Variants in DPP6 observed in about 807,000 individuals in gnomAD.
DPP6 encodes the protein dipeptidyl peptidase like 6.
A neutral mutation model predicts 122.6 loss-of-function variants in DPP6; 69 were observed. The ratio of observed to expected loss-of-function variants is 0.56; its 90% CI spans 0.46 to 0.69. The LOEUF (loss-of-function observed/expected upper bound fraction) is 0.69. Among genes scored for constraint, DPP6 ranks in the 30% least tolerant of loss-of-function variants. The pLI, the probability that DPP6 is intolerant of heterozygous loss-of-function variation, is 0.00. For missense variants in DPP6, 928 were observed against 1,116.9 expected, an observed-to-expected ratio of 0.83 and a Z score of 2.41; for synonymous variants, 418 against 433.1, an observed-to-expected ratio of 0.97 and a Z score of 0.43.
intron 1 of DPP6, among the ~76,000 whole-genome samples, chr7:153,968,082 T>TG (rs1795847459): frequency 6.7e-6 from 1 of 150,096 alleles, no homozygotes. Flanking sequence ...TACCCAGTAG[T>TG]GGGATTGCTG....
Position 154,403,308 on chromosome 7 carries a change from A to G in DPP6, c.244-42906A>G, listed in dbSNP as rs1220161658. ...CTGTGTGATAGAGTGCGGGGGAATC[A>G]GGACACCGCCCACCGCTGTCCAAAT... On this transcript the variant is annotated intron_variant, in intron 1 of 25. Coordinates refer to ENST00000377770, the MANE Select transcript of DPP6 (RefSeq NM_130797.4). This position sits in a 1 kb window ranked among gnomAD's most constrained non-coding sequence, Gnocchi z 4.1. Among the ~76,000 whole-genome samples, 8 of 152,156 alleles carry G rather than the reference A, an allele frequency of 5.3e-5. No individual in the cohort carries two copies. The highest frequency in any genetic ancestry group is 5.2e-4 in the Admixed American group (8 of 15,268).
In DPP6 at chr7:154,052,996, G is replaced by A; in HGVS notation, c.176G>A (p.Gly59Asp). 1 of 1,058,364 alleles carries A rather than the reference G, an allele frequency of 9.4e-7. No individual in the cohort carries two copies. Among genetic ancestry groups the A allele is most frequent in the Non-Finnish European group, 1.1e-6 (1 of 878,028 alleles). 65.6% of individuals were successfully genotyped at this position (1,058,364 alleles called of 1,614,324 possible). ...GCGGCGCCCCGGGAGCGCGGCGGCGGCGGCGGCGGCGCGGGTGGCCGGCCC... is the reference window on the plus strand; with the variant it reads ...GCGGCGCCCCGGGAGCGCGGCGGCGACGGCGGCGGCGCGGGTGGCCGGCCC... ...QAAAPRERGG[G>D]GGGAGGRPRF... is the part of the protein sequence containing the mutation. Residue 59 changes from glycine (G) to aspartate (D), a missense_variant, in exon 1 of 26, where the codon GGC (glycine) becomes GAC (aspartate). Gly to Asp is a moderately conservative substitution (Grantham distance 94, BLOSUM62 -1). Coordinates refer to ENST00000377770, the MANE Select transcript of DPP6 (RefSeq NM_130797.4). The surrounding 1 kb of genome is among the most constrained non-coding windows in gnomAD (Gnocchi z 4.8).
intron 6 of DPP6, among the ~76,000 whole-genome samples, chr7:154,659,964 G>C (rs538657592): frequency 4.6e-5 from 7 of 152,318 alleles, no homozygotes; most frequent in African/African-American, 1.7e-4. Flanking sequence ...AAAATAAGAC[G>C]CAGAGAGTTG....
intron 1 of DPP6, among the ~76,000 whole-genome samples, chr7:154,175,496 C>T (rs906282048): frequency 2.6e-5 from 4 of 152,056 alleles, no homozygotes; most frequent in African/African-American, 9.7e-5. Context: ...GGAAGAAGTG[C>T]AGCACTGCTG....
chr7:154,602,198 T>A (rs1415119906), intron 5 of DPP6, among the ~76,000 whole-genome samples: 1 of 120,712 alleles, frequency 8.3e-6, no homozygotes, highest in East Asian at 3.6e-4. Flanking sequence ...GTTATCACAG[T>A]TTATCTTTGA....
At chr7:154,022,938 GA>G (rs1798774388) in intron 1 of DPP6, among the ~76,000 whole-genome samples, 1 of 152,162 alleles carries the variant, frequency 6.6e-6, no homozygotes. Flanking sequence ...TTTGACAGCT[GA>G]CTCTTTCTTA....
At chr7:154,180,439 A>G (rs943805185) in intron 1 of DPP6, among the ~76,000 whole-genome samples, 4 of 146,056 alleles carry the variant, frequency 2.7e-5, no homozygotes, top group Admixed American at 1.4e-4. Context: ...TAATATATAT[A>G]CACATTTATA....
At chr7:154,759,604 G>A (rs967042399) in intron 8 of DPP6, among the ~76,000 whole-genome samples, 3 of 152,306 alleles carry the variant, frequency 2.0e-5, no homozygotes, top group Non-Finnish European at 2.9e-5. Context: ...TCCAGGGGAG[G>A]CCCAAGATGG....
At chr7:154,225,747 C>T (rs568004235) in intron 1 of DPP6, among the ~76,000 whole-genome samples, 1 of 152,124 alleles carries the variant, frequency 6.6e-6, no homozygotes, top group Admixed American at 6.5e-5. Context: ...ACTAACTTTT[C>T]TAAAGTTACT....
chr7:154,147,676 G>GTA (rs1245372984), intron 1 of DPP6, among the ~76,000 whole-genome samples: 6 of 145,496 alleles, frequency 4.1e-5, no homozygotes, highest in South Asian at 2.1e-4. Flanking sequence ...GTGTGTGTGT[G>GTA]TATATATGTA....
At chr7:154,801,526 G>A (rs1177319627) in intron 13 of DPP6, 64 bp downstream of exon 13, 4 of 1,487,446 alleles carry the variant, frequency 2.7e-6, no homozygotes, top group Non-Finnish European at 3.6e-6. Flanking sequence ...TGGGGTGACA[G>A]CCTCTAGGGC....
chr7:154,542,112 CT>C (rs1291518332), intron 4 of DPP6, among the ~76,000 whole-genome samples: 1 of 152,120 alleles, frequency 6.6e-6, no homozygotes. Context: ...CATGCTGCCC[CT>C]AACATAGACT....
chr7:154,666,142 G>T (rs1408554548), intron 6 of DPP6, among the ~76,000 whole-genome samples: 2 of 148,986 alleles, frequency 1.3e-5, no homozygotes, highest in Admixed American at 1.3e-4. Context: ...TTTCTTCTAT[G>T]ATATATAATT....
chr7:154,717,834 C>T (rs1841577107), intron 7 of DPP6, among the ~76,000 whole-genome samples: 1 of 152,308 alleles, frequency 6.6e-6, no homozygotes, highest in Admixed American at 6.5e-5. Flanking sequence ...ATACTTGTTT[C>T]CCTAATGGTT....
chr7:154,842,453 C>A (rs1801628562), intron 16 of DPP6, among the ~76,000 whole-genome samples: 3 of 152,166 alleles, frequency 2.0e-5, no homozygotes, highest in African/African-American at 7.2e-5. Flanking sequence ...TCACATTTCT[C>A]CCTCCAGTTG....
the DPP6 span, among the ~76,000 whole-genome samples, chr7:153,766,082 A>T: frequency 1.3e-5 from 2 of 152,236 alleles, no homozygotes; most frequent in Admixed American, 6.5e-5. Flanking sequence ...AGTCATATGT[A>T]ATGTACTAAA....
the DPP6 span, among the ~76,000 whole-genome samples, chr7:153,876,656 G>A: frequency 6.6e-6 from 1 of 151,878 alleles, no homozygotes; most frequent in East Asian, 1.9e-4. Context: ...ATAACACACA[G>A]TCACACATTG....
Position 154,477,223 on chromosome 7 carries a change from T to C in DPP6, c.457+2186T>C, listed in dbSNP as rs547011449. On this transcript the variant is annotated intron_variant, in intron 3 of 25. Transcript: ENST00000377770. ...TGGAACTGTTTCTCAGTGGTATACA[T>C]GGGAGTCACACCACCCACCACCATG... is the stretch of plus-strand genomic sequence containing the variant. Among the ~76,000 whole-genome samples, 204 of 152,248 alleles carry C rather than the reference T, an allele frequency of 1.3e-3. 1 individual carries two copies. Among genetic ancestry groups the C allele is most frequent in the African/African-American group, 4.7e-3 (197 of 41,546 alleles).
chr7:154,196,066 C>T (rs1357350427), intron 1 of DPP6, among the ~76,000 whole-genome samples: 3 of 152,310 alleles, frequency 2.0e-5, no homozygotes, highest in South Asian at 2.1e-4. Flanking sequence ...ATATCATTTT[C>T]GCTCCATCGG....
Sources: gnomAD v4.1 joint callset for allele counts (sites outside exome capture counted in the v4.1 genomes callset) on GRCh38, gnomAD v4.1.1 for gene constraint, Gnocchi (gnomAD v3.1) non-coding constraint, MANE v1.5 for transcripts, NCBI Gene and HGNC (gene_info 2026-07-23, HGNC 2026-07-21) for gene names.